PAPPA2: variants seen among roughly 807,000 people sequenced by gnomAD.
PAPPA2 encodes the protein pappalysin-2.
PAPPA2 carries 86 observed loss-of-function variants against 176.4 expected under a neutral mutation model. That is an observed-to-expected ratio of 0.49 (90% CI 0.41 to 0.58). The LOEUF is 0.58. Ranked by LOEUF, PAPPA2 falls within the 20% of genes least tolerant of loss-of-function variation. The probability of loss-of-function intolerance (pLI) is 0.00; values close to 1 mark genes in which losing one functional copy is unlikely to be tolerated. For missense variants in PAPPA2, 2,073 were observed against 2,256.9 expected, an observed-to-expected ratio of 0.92 and a Z score of 1.65; for synonymous variants, 809 against 852.2, an observed-to-expected ratio of 0.95 and a Z score of 0.88.
At chr1:176,669,288 T>G (rs1658850982) in intron 3 of PAPPA2, among the ~76,000 whole-genome samples, 1 of 152,152 alleles carries the variant, frequency 6.6e-6, no homozygotes, top group South Asian at 2.1e-4. Flanking sequence ...TTTTCTTTTC[T>G]TCTCTTTCTT....
At chr1:176,791,044 G>A (rs1164058626) in intron 18 of PAPPA2, among the ~76,000 whole-genome samples, 1 of 152,088 alleles carries the variant, frequency 6.6e-6, no homozygotes, top group East Asian at 1.9e-4. Context: ...TCCAAAAATA[G>A]CTCTGAATAT....
intron 12 of PAPPA2, among the ~76,000 whole-genome samples, chr1:176,733,364 G>A (rs1408135696): frequency 1.3e-5 from 2 of 152,302 alleles, no homozygotes; most frequent in Admixed American, 6.5e-5. Context: ...TCCTGCAAAA[G>A]CACAGATGAC....
chr1:176,600,548 C>A (rs928625184), intron 3 of PAPPA2, among the ~76,000 whole-genome samples: 1 of 151,294 alleles, frequency 6.6e-6, no homozygotes, highest in Middle Eastern at 3.4e-3. Flanking sequence ...TGGTAGCGGG[C>A]GCCTGTAGTC....
At chr1:176,594,479 G>T (rs1653836325) in intron 2 of PAPPA2, 45 bp from the exon 3 acceptor site, 1 of 1,496,492 alleles carries the variant, frequency 6.7e-7, no homozygotes, top group Non-Finnish European at 9.2e-7. Context: ...ATTCCCCTTT[G>T]TATCTGGTAT....
rs771291069 is a variant in PAPPA2, at chr1:176,698,225, A to G, written c.2747-875A>G. On this transcript the variant is annotated intron_variant, in intron 7 of 22. Transcript: ENST00000367662. ...TGTAGGTATTTAATTTCTCTAGAACATTGTATAGATCTACACTGCCCTAGT... is the reference window on the plus strand; with the variant it reads ...TGTAGGTATTTAATTTCTCTAGAACGTTGTATAGATCTACACTGCCCTAGT... Among the ~76,000 whole-genome samples, 13 of 150,096 alleles carry G rather than the reference A, an allele frequency of 8.7e-5. No homozygotes were observed. The South Asian group carries it at 1.1e-3, about 12-fold the overall frequency.
At chr1:176,541,572 A>G (rs1558425259) in intron 1 of PAPPA2, among the ~76,000 whole-genome samples, 1 of 152,222 alleles carries the variant, frequency 6.6e-6, no homozygotes, top group Non-Finnish European at 1.5e-5. Context: ...GTGCCACTGA[A>G]TAAATTTTCC....
At chr1:176,589,317 A>G (rs1482542630) in intron 2 of PAPPA2, among the ~76,000 whole-genome samples, 2 of 152,176 alleles carry the variant, frequency 1.3e-5, no homozygotes, top group Non-Finnish European at 2.9e-5. Context: ...GATGCAAATG[A>G]TGTTTGCTAA....
intron 14 of PAPPA2, among the ~76,000 whole-genome samples, chr1:176,756,982 T>G (rs1477593723): frequency 2.6e-5 from 4 of 152,192 alleles, no homozygotes; most frequent in African/African-American, 7.2e-5. Context: ...CTTGTGGTAT[T>G]TTGCTGAGAA....
chr1:176,834,038 A>G (rs368215224), intron 21 of PAPPA2, among the ~76,000 whole-genome samples: 1 of 152,206 alleles, frequency 6.6e-6, no homozygotes, highest in Non-Finnish European at 1.5e-5. Flanking sequence ...CTGGTCATAA[A>G]GTATGCTAAG....
At chr1:176,499,376 T>C (rs1245257695) in intron 1 of PAPPA2, among the ~76,000 whole-genome samples, 1 of 152,230 alleles carries the variant, frequency 6.6e-6, no homozygotes, top group Non-Finnish European at 1.5e-5. Context: ...TGCCTTAATC[T>C]TTGCATATTC....
At chr1:176,728,979 G>A (rs1392396517) in intron 12 of PAPPA2, among the ~76,000 whole-genome samples, 1 of 151,708 alleles carries the variant, frequency 6.6e-6, no homozygotes, top group Non-Finnish European at 1.5e-5. Flanking sequence ...CTTTTGTTAT[G>A]TTTTTCATTT....
chr1:176,549,463 G>A (rs780987661), intron 1 of PAPPA2, among the ~76,000 whole-genome samples: 1 of 152,232 alleles, frequency 6.6e-6, no homozygotes, highest in Non-Finnish European at 1.5e-5. Context: ...GAACTTAGAG[G>A]TCTTCTATTC....
At chr1:176,719,464 G>A (rs149633545) in intron 12 of PAPPA2, among the ~76,000 whole-genome samples, 16 of 152,222 alleles carry the variant, frequency 1.1e-4, no homozygotes, top group East Asian at 5.8e-4. Context: ...ATGAATTGTC[G>A]TGTTTCCTGT....
At chr1:176,650,565 C>T (rs754845846) in intron 3 of PAPPA2, among the ~76,000 whole-genome samples, 1 of 151,620 alleles carries the variant, frequency 6.6e-6, no homozygotes, top group Non-Finnish European at 1.5e-5. Flanking sequence ...CACATCCCCC[C>T]ACCCCATGAC....
chr1:176,547,540 A>T (rs1362650243), intron 1 of PAPPA2, among the ~76,000 whole-genome samples: 1 of 152,206 alleles, frequency 6.6e-6, no homozygotes, highest in Admixed American at 6.5e-5. Flanking sequence ...ACAGGTAGCA[A>T]TGACCTGTGC....
chr1:176,795,197 T>G (rs1351794512), intron 20 of PAPPA2, among the ~76,000 whole-genome samples: 1 of 152,028 alleles, frequency 6.6e-6, no homozygotes, highest in Admixed American at 6.6e-5. Flanking sequence ...CTTTTTTTTC[T>G]AGATTCTTAT....
intron 6 of PAPPA2, 86 bp from the exon 7 acceptor site, chr1:176,695,652 C>T (rs1174575087): frequency 5.4e-6 from 8 of 1,478,686 alleles, no homozygotes; most frequent in Non-Finnish European, 7.5e-6. Flanking sequence ...CCTGCCCTCC[C>T]CACACAAAGG....
intron 3 of PAPPA2, among the ~76,000 whole-genome samples, chr1:176,647,920 T>C (rs1657504499): frequency 6.6e-6 from 1 of 151,736 alleles, no homozygotes; most frequent in Admixed American, 6.6e-5. Flanking sequence ...GCTTTGGCTA[T>C]TTGGGGTCTT....
At chr1:176,490,716 T>C (rs967975642) in intron 1 of PAPPA2, among the ~76,000 whole-genome samples, 1 of 152,112 alleles carries the variant, frequency 6.6e-6, no homozygotes, top group Non-Finnish European at 1.5e-5. Flanking sequence ...ATCAGCTGGC[T>C]CCCTTATGGC....
Sources: allele counts gnomAD v4.1 joint callset (sites outside exome capture counted in the v4.1 genomes callset), GRCh38; gene constraint gnomAD v4.1.1; transcripts MANE v1.5; gene names NCBI Gene and HGNC (gene_info 2026-07-23, HGNC 2026-07-21).